The following CDK7 variants were observed in gnomAD, a reference collection of about 807,000 sequenced individuals.
CDK7 encodes cyclin-dependent kinase 7.
A neutral mutation model predicts 49.1 loss-of-function variants in CDK7; 25 were observed. The ratio of observed to expected loss-of-function variants is 0.51; its 90% CI spans 0.37 to 0.71. The LOEUF is 0.71. Among genes scored for constraint, CDK7 ranks in the 30% least tolerant of loss-of-function variants. CDK7 has a pLI of 0.00. For synonymous variants in CDK7, 107 were observed against 140.0 expected (o/e 0.76, Z 1.67); for missense variants, 316 against 411.7 (o/e 0.77, Z 2.01).
chr5:69,264,236 T>C (rs1411253341), intron 8 of CDK7, among the ~76,000 whole-genome samples: 1 of 152,148 alleles, frequency 6.6e-6, no homozygotes, highest in Non-Finnish European at 1.5e-5. Flanking sequence ...AGTGCATCTA[T>C]AGAATAAGCA....
At chr5:69,272,848 A>G (rs369498552) in intron 9 of CDK7, 44 bp from the exon 10 acceptor site, 139 of 1,285,954 alleles carry the variant, frequency 1.1e-4, no homozygotes, top group Non-Finnish European at 1.4e-4. Context: ...TGCAATCTAT[A>G]TGCCTTTAAT....
In CDK7 at chr5:69,246,139, T is replaced by G. The variant is rs148794821; in HGVS notation, c.127-6279T>G. 4.8e-3 allele frequency among the ~76,000 whole-genome samples: 729 copies of G among 152,064 alleles called. 11 individuals are homozygous for G. The highest frequency in any genetic ancestry group is 0.017 in the African/African-American group (699 of 41,476). ...GAGCAGGAGTGGAAGTTTGTTTGTT[T>G]GTTTGTTTGTTTTTTGAGATGGAGT... On this transcript the variant is annotated intron_variant, in intron 2 of 11. Transcript: ENST00000256443.
Position 69,277,209 on chromosome 5 carries a change from T to A in CDK7, c.*74T>A. ...CAAATAATGGAAAAATAGTAAACAT[T>A]AAGTAAATGCTGTAGAAGTGAGTTT... On this transcript the variant is annotated 3_prime_UTR_variant, in exon 12 of 12. Transcript: ENST00000256443. 1 of 1,079,286 alleles carries A rather than the reference T, an allele frequency of 9.3e-7. No homozygotes were observed. Among genetic ancestry groups the A allele is most frequent in the Non-Finnish European group, 1.4e-6 (1 of 730,242 alleles). 66.9% of individuals were successfully genotyped at this position (1,079,286 alleles called of 1,614,324 possible). A position where few individuals can be genotyped will look rare whatever the true frequency, so the allele number is the denominator to read the frequency against.
At chr5:69,242,332 T>C (rs1005641642) in intron 2 of CDK7, among the ~76,000 whole-genome samples, 15 of 152,062 alleles carry the variant, frequency 9.9e-5, no homozygotes, top group African/African-American at 1.7e-4. Context: ...TTGGATAAAA[T>C]TGTAGAGAGT....
At chr5:69,276,977 G>A (rs1752217446) in intron 11 of CDK7, 130 bp from the exon 12 acceptor site, 1 of 768,820 alleles carries the variant, frequency 1.3e-6, no homozygotes, top group Non-Finnish European at 2.1e-6. Flanking sequence ...TGTTTAACAA[G>A]TGCTACTGGA....
chr5:69,249,788 G>C (rs1324235039), intron 2 of CDK7, among the ~76,000 whole-genome samples: 1 of 152,264 alleles, frequency 6.6e-6, no homozygotes, highest in Non-Finnish European at 1.5e-5. Context: ...AGAGGTTGCA[G>C]TGAGCTGAGA....
chr5:69,247,491 G>C (rs997739318), intron 2 of CDK7, among the ~76,000 whole-genome samples: 4 of 150,056 alleles, frequency 2.7e-5, no homozygotes, highest in Non-Finnish European at 5.9e-5. Flanking sequence ...CTTCTTGTAG[G>C]CAACAGATCT....
chr5:69,269,786 G>A (rs1281376089), intron 9 of CDK7, among the ~76,000 whole-genome samples: 1 of 150,792 alleles, frequency 6.6e-6, no homozygotes, highest in African/African-American at 2.4e-5. Flanking sequence ...GGGTTTCACC[G>A]TGATGCCCAG....
chr5:69,273,129 A>AT (rs34990588), intron 10 of CDK7, 88 bp downstream of exon 10: 2 of 935,892 alleles, frequency 2.1e-6, no homozygotes, highest in Non-Finnish European at 3.0e-6. Context: ...TAAAATTAAC[A>AT]TTTTTTAAAT....
intron 2 of CDK7, chr5:69,250,809 C>CG (rs1561355046): frequency 2.2e-6 from 1 of 456,692 alleles, no homozygotes; most frequent in Non-Finnish European, 4.4e-6. Context: ...CAATATGTCT[C>CG]GGAGTTTCAC....
intron 2 of CDK7, among the ~76,000 whole-genome samples, chr5:69,238,159 A>C (rs368527447): frequency 1.8e-4 from 28 of 152,134 alleles, no homozygotes; most frequent in Middle Eastern, 6.8e-3. Flanking sequence ...ATTATGTGGA[A>C]TTTGTTTCCC....
Position 69,277,152 on chromosome 5 carries a change from C to T in CDK7, c.*17C>T, listed in dbSNP as rs774000048. 3.8e-6 allele frequency: 6 copies of T among 1,578,146 alleles called. No individual in the cohort carries two copies. The highest frequency in any genetic ancestry group is 5.2e-6 in the Non-Finnish European group (6 of 1,161,610). ...ATTTTTTAAAGAGAACACTGGACAA[C>T]ATTTTACTACTGAGGGAAATAGCCA... On this transcript the variant is annotated 3_prime_UTR_variant, in exon 12 of 12. Coordinates refer to ENST00000256443, the MANE Select transcript of CDK7 (RefSeq NM_001799.4).
At chr5:69,251,461 T>C (rs1171737907) in intron 2 of CDK7, among the ~76,000 whole-genome samples, 2 of 151,988 alleles carry the variant, frequency 1.3e-5, no homozygotes, top group Admixed American at 6.6e-5. Flanking sequence ...CCCAGACTGA[T>C]CTTTAACTCC....
Position 69,246,890 on chromosome 5 carries a change from G to A in CDK7, c.127-5528G>A, listed in dbSNP as rs116835760. Among the ~76,000 whole-genome samples, 206 of 151,912 alleles carry A rather than the reference G, an allele frequency of 1.4e-3. 1 individual carries two copies. Among genetic ancestry groups the A allele is most frequent in the African/African-American group, 4.7e-3 (196 of 41,442 alleles). On this transcript the variant is annotated intron_variant, in intron 2 of 11. Coordinates refer to ENST00000256443, the MANE Select transcript of CDK7 (RefSeq NM_001799.4). ...TTCAGGAGTGTATTGGTTAATTTTC[G>A]TGTATTACATAGTTTCCAAAATTCC...
At chr5:69,235,493 G>A in intron 2 of CDK7, 40 bp downstream of exon 2, 1 of 1,328,970 alleles carries the variant, frequency 7.5e-7, no homozygotes, top group Non-Finnish European at 1.1e-6. Flanking sequence ...TCTCCTTGAA[G>A]ATGTCTGTAT....
At chr5:69,260,354 A>G (rs1156920374) in intron 7 of CDK7, among the ~76,000 whole-genome samples, 1 of 152,120 alleles carries the variant, frequency 6.6e-6, no homozygotes, top group Non-Finnish European at 1.5e-5. Context: ...CCTCTCAGGG[A>G]AAAACAAAAA....
intron 2 of CDK7, among the ~76,000 whole-genome samples, chr5:69,245,148 G>A (rs1202468592): frequency 6.6e-6 from 1 of 151,930 alleles, no homozygotes; most frequent in East Asian, 1.9e-4. Context: ...TTACTTTGAT[G>A]TGTCTTTGTC....
At chr5:69,247,996 ATAT>A (rs1198169649) in intron 2 of CDK7, among the ~76,000 whole-genome samples, 7 of 152,118 alleles carry the variant, frequency 4.6e-5, no homozygotes, top group Admixed American at 3.3e-4. Flanking sequence ...CAGTGTTATA[ATAT>A]TATGTGTTTT....
chr5:69,251,238 C>A (rs979813403), intron 2 of CDK7, among the ~76,000 whole-genome samples: 3 of 152,018 alleles, frequency 2.0e-5, no homozygotes, highest in African/African-American at 4.8e-5. Flanking sequence ...GCTGGGACTA[C>A]AGGCGTGTGC....
Sources: allele counts gnomAD v4.1 joint callset (sites outside exome capture counted in the v4.1 genomes callset), GRCh38; gene constraint gnomAD v4.1.1; transcripts MANE v1.5; gene names NCBI Gene and HGNC (gene_info 2026-07-23, HGNC 2026-07-21).